Variants in GIGYF2 observed in about 807,000 individuals in gnomAD.
GIGYF2 encodes the protein GRB10 interacting GYF protein 2.
Under a neutral mutation model 208.1 loss-of-function variants are expected in GIGYF2, and 25 were observed. The ratio of observed to expected loss-of-function variants is 0.12; its 90% CI spans 0.09 to 0.17. GIGYF2 has a LOEUF of 0.17. Among genes scored for constraint, GIGYF2 ranks in the 10% least tolerant of loss-of-function variants. GIGYF2 has a pLI of 1.00. For missense variants in GIGYF2, 1,302 were observed against 1,579.4 expected, an observed-to-expected ratio of 0.82 and a Z score of 2.98; for synonymous variants, 534 against 543.8, an observed-to-expected ratio of 0.98 and a Z score of 0.25.
intron 8 of GIGYF2, chr2:232,767,988 A>T: frequency 3.4e-6 from 2 of 580,050 alleles, no homozygotes; most frequent in South Asian, 4.1e-5. Flanking sequence ...TGATTTCAGC[A>T]GGTAACAAAC....
chr2:232,778,730 A>T (rs1337086049), intron 8 of GIGYF2, among the ~76,000 whole-genome samples: 1 of 152,198 alleles, frequency 6.6e-6, no homozygotes, highest in Non-Finnish European at 1.5e-5. Flanking sequence ...AAGTTCTTAT[A>T]GCATTGGAAT....
chr2:232,839,083 A>G (rs1701737590), intron 22 of GIGYF2, among the ~76,000 whole-genome samples: 1 of 152,110 alleles, frequency 6.6e-6, no homozygotes, highest in South Asian at 2.1e-4. Flanking sequence ...TTTTTATTAA[A>G]TACATTTTTT....
intron 22 of GIGYF2, among the ~76,000 whole-genome samples, chr2:232,835,843 T>G (rs1249913506): frequency 2.0e-5 from 3 of 152,142 alleles, no homozygotes; most frequent in African/African-American, 7.2e-5. Flanking sequence ...GCTAGCTGAT[T>G]GCTCTGTTGT....
At chr2:232,797,086 T>A (rs1262103357) in intron 14 of GIGYF2, among the ~76,000 whole-genome samples, 1 of 151,186 alleles carries the variant, frequency 6.6e-6, no homozygotes, top group African/African-American at 2.4e-5. Flanking sequence ...GACTGTTTTT[T>A]TTTTTCAAGT....
intron 3 of GIGYF2, chr2:232,735,810 A>G (rs1049634548): frequency 1.7e-5 from 17 of 985,510 alleles, no homozygotes; most frequent in South Asian, 4.7e-5. Flanking sequence ...TTTGAGATCC[A>G]TCACATTGTA....
intron 5 of GIGYF2, among the ~76,000 whole-genome samples, chr2:232,754,221 G>A (rs1402908392): frequency 6.6e-6 from 1 of 150,518 alleles, no homozygotes; most frequent in Non-Finnish European, 1.5e-5. Context: ...TTAATCAGCA[G>A]TACAGAATTT....
intron 8 of GIGYF2, chr2:232,766,863 T>A (rs1241235643): frequency 2.0e-5 from 3 of 152,186 alleles, no homozygotes; most frequent in Non-Finnish European, 2.9e-5. Context: ...CTTTCATTTT[T>A]CCCACAGAAA....
intron 2 of GIGYF2, chr2:232,731,366 CTG>C (rs1697488263): frequency 6.6e-6 from 1 of 152,194 alleles, no homozygotes; most frequent in South Asian, 2.1e-4. Flanking sequence ...TAAATTCAGT[CTG>C]ATTTAAATCC....
chr2:232,715,529 T>C (rs987505328), intron 2 of GIGYF2, among the ~76,000 whole-genome samples: 1 of 151,946 alleles, frequency 6.6e-6, no homozygotes, highest in African/African-American at 2.4e-5. Flanking sequence ...ATGTATAGTG[T>C]ACGGGCCAGG....
At chr2:232,781,573 T>C (rs940018268) in intron 8 of GIGYF2, among the ~76,000 whole-genome samples, 3 of 152,184 alleles carry the variant, frequency 2.0e-5, no homozygotes, top group African/African-American at 7.2e-5. Context: ...CATTTTTTTT[T>C]CAGGAGCATG....
At chr2:232,753,268 C>T (rs539409308) in intron 5 of GIGYF2, among the ~76,000 whole-genome samples, 9 of 152,072 alleles carry the variant, frequency 5.9e-5, no homozygotes, top group East Asian at 3.9e-4. Flanking sequence ...GGATTATAGA[C>T]GCCCGCCACC....
intron 2 of GIGYF2, among the ~76,000 whole-genome samples, chr2:232,726,555 A>G (rs1055106446): frequency 4.6e-5 from 7 of 152,158 alleles, no homozygotes; most frequent in Non-Finnish European, 1.0e-4. Flanking sequence ...AGCCTGGGTA[A>G]CAGTGAGACC....
Position 232,820,090 on chromosome 2 carries a change from G to T in GIGYF2, c.2529+105G>T, listed in dbSNP as rs183884215. 727 of 1,267,526 alleles carry T rather than the reference G, an allele frequency of 5.7e-4. 1 individual carries two copies. In the African/African-American group the frequency reaches 8.6e-3, roughly 15 times the overall value. 78.5% of individuals were successfully genotyped at this position (1,267,526 alleles called of 1,614,324 possible). A position where few individuals can be genotyped will look rare whatever the true frequency, so the allele number is the denominator to read the frequency against. On this transcript the variant is annotated intron_variant, in intron 21 of 28. Coordinates refer to ENST00000373563, the MANE Select transcript of GIGYF2 (RefSeq NM_001103146.3). ...AGCCTATCTAAAATTTTTTCAGGTT[G>T]CTAAAAATTAACCAAAAGAAACCTA...
At chr2:232,741,634 G>A (rs185289036) in intron 3 of GIGYF2, among the ~76,000 whole-genome samples, 17 of 152,070 alleles carry the variant, frequency 1.1e-4, no homozygotes, top group Admixed American at 5.2e-4. Flanking sequence ...AGTAGAGATG[G>A]AGCTTTACCA....
intron 26 of GIGYF2, among the ~76,000 whole-genome samples, chr2:232,847,036 C>T (rs1410016218): frequency 6.6e-6 from 1 of 152,164 alleles, no homozygotes; most frequent in African/African-American, 2.4e-5. Context: ...TTAATAAATA[C>T]TGATTGAATT....
Position 232,857,666 on chromosome 2 carries a change from T to C in GIGYF2, c.*806T>C, listed in dbSNP as rs759250352. ...TTCTTACAAAAACTGATTTTTCCCA[T>C]AAATATTTTTACTTCAGAGGACTAG... On this transcript the variant is annotated 3_prime_UTR_variant, in exon 29 of 29. Transcript: ENST00000373563. The C allele has an allele frequency of 2.0e-5, 3 of 152,656 alleles. No individual in the cohort carries two copies. Among genetic ancestry groups the C allele is most frequent in the Non-Finnish European group, 2.9e-5 (2 of 68,050 alleles). The allele number at this position is 152,656 out of a possible 1,614,324, so 9.5% of individuals were successfully genotyped here.
chr2:232,811,121 T>A (rs1289714196), intron 16 of GIGYF2, 123 bp from the exon 17 acceptor site: 2 of 667,590 alleles, frequency 3.0e-6, no homozygotes, highest in African/African-American at 3.6e-5. Flanking sequence ...ATAAAATATA[T>A]TTGATAGCTA....
chr2:232,791,049 C>T lies in GIGYF2; in HGVS notation c.972C>T (p.Asp324=), dbSNP rs1205910472. The T allele has an allele frequency of 6.2e-7, 1 of 1,613,908 alleles. No individual in the cohort carries two copies. Among genetic ancestry groups the T allele is most frequent in the Non-Finnish European group, 8.5e-7 (1 of 1,179,960 alleles). Residue 324 remains aspartate, a synonymous_variant, in exon 11 of 29, where the codon GAC becomes GAT. Coordinates refer to ENST00000373563, the MANE Select transcript of GIGYF2 (RefSeq NM_001103146.3). ...KEPIPEEQEM[D]FRPVDEGEEC... Reference sequence around the variant, plus strand: ...CTATTCCAGAAGAGCAGGAGATGGACTTCCGGCCTGTGGACGAAGGGGAGG... The same window carrying T: ...CTATTCCAGAAGAGCAGGAGATGGATTTCCGGCCTGTGGACGAAGGGGAGG...
At chr2:232,823,946 A>G (rs569936442) in intron 21 of GIGYF2, among the ~76,000 whole-genome samples, 44 of 152,240 alleles carry the variant, frequency 2.9e-4, no homozygotes, top group African/African-American at 1.0e-3. Flanking sequence ...AATTCTTGCA[A>G]TGTTTCAGAT....
Sources: allele counts gnomAD v4.1 joint callset (sites outside exome capture counted in the v4.1 genomes callset), GRCh38; gene constraint gnomAD v4.1.1; transcripts MANE v1.5; gene names NCBI Gene and HGNC (gene_info 2026-07-23, HGNC 2026-07-21).